Variants in LUZP2 observed in about 807,000 individuals in gnomAD.
LUZP2 encodes the protein leucine zipper protein 2.
In LUZP2, 52 loss-of-function variants were observed where a neutral mutation model predicts 51.6. That is an observed-to-expected ratio of 1.01 (90% CI 0.81 to 1.27). LUZP2 has a LOEUF of 1.27. Among genes scored for constraint, LUZP2 ranks in the 50% most tolerant of loss-of-function variants. The pLI is 0.00. For synonymous variants in LUZP2, 154 were observed against 137.3 expected (o/e 1.12, Z -0.85); for missense variants, 436 against 395.4 (o/e 1.10, Z -0.87).
intron 1 of LUZP2, among the ~76,000 whole-genome samples, chr11:24,530,903 A>G (rs947146633): frequency 1.4e-5 from 2 of 147,720 alleles, no homozygotes; most frequent in Non-Finnish European, 3.0e-5. Flanking sequence ...TCAATGTCTC[A>G]TCATTTTTCT....
chr11:25,013,586 C>CT (rs1249158274), intron 9 of LUZP2, among the ~76,000 whole-genome samples: 2 of 151,686 alleles, frequency 1.3e-5, no homozygotes. Flanking sequence ...TCTTTTTTCA[C>CT]TTTTAGCTAT....
chr11:25,021,253 T>C (rs949800503), intron 9 of LUZP2, among the ~76,000 whole-genome samples: 2 of 151,730 alleles, frequency 1.3e-5, no homozygotes, highest in Non-Finnish European at 2.9e-5. Context: ...GACTTATTAA[T>C]CCAGGTTATA....
intron 9 of LUZP2, among the ~76,000 whole-genome samples, chr11:25,022,148 G>T (rs1195543809): frequency 6.6e-6 from 1 of 151,906 alleles, no homozygotes; most frequent in African/African-American, 2.4e-5. Flanking sequence ...TTTGCTTGGG[G>T]GAAACTTGAC....
At chr11:24,695,487 T>C (rs1857216928) in intron 1 of LUZP2, among the ~76,000 whole-genome samples, 1 of 152,082 alleles carries the variant, frequency 6.6e-6, no homozygotes, top group Non-Finnish European at 1.5e-5. Flanking sequence ...GAATGATCTC[T>C]TCTAATTATT....
At chr11:25,076,698 C>G (rs561959462) in intron 10 of LUZP2, among the ~76,000 whole-genome samples, 24 of 148,932 alleles carry the variant, frequency 1.6e-4, no homozygotes, top group Non-Finnish European at 3.0e-4. Flanking sequence ...ATATTTTAAC[C>G]CTGGTTAAAA....
intron 1 of LUZP2, among the ~76,000 whole-genome samples, chr11:24,506,521 A>AT (rs1239201062): frequency 4.0e-5 from 6 of 151,896 alleles, no homozygotes; most frequent in African/African-American, 1.5e-4. Context: ...GTGAGGGGCA[A>AT]TTTTTTCTTT....
chr11:24,590,011 A>T (rs12225488), intron 1 of LUZP2, among the ~76,000 whole-genome samples: 65,940 of 151,918 alleles, frequency 0.43, 15,202 homozygotes, highest in Non-Finnish European at 0.51. Flanking sequence ...TTTTTTGTGT[A>T]ATGTACGTGC....
intron 1 of LUZP2, among the ~76,000 whole-genome samples, chr11:24,616,483 G>T (rs1854294913): frequency 6.6e-6 from 1 of 151,702 alleles, no homozygotes; most frequent in South Asian, 2.1e-4. Context: ...GCATGTGTGT[G>T]TGTGTGTGTG....
At chr11:24,741,031 C>A (rs2631427) in intron 4 of LUZP2, among the ~76,000 whole-genome samples, 1 of 151,748 alleles carries the variant, frequency 6.6e-6, no homozygotes, top group African/African-American at 2.4e-5. Context: ...GAATTATCAG[C>A]GATGACAGAA....
chr11:24,590,305 T>C (rs1853215271), intron 1 of LUZP2, among the ~76,000 whole-genome samples: 1 of 152,216 alleles, frequency 6.6e-6, no homozygotes, highest in African/African-American at 2.4e-5. Context: ...ATTGCAGTTG[T>C]ACATATTTAC....
At chr11:24,717,096 A>C (rs1858076155) in intron 1 of LUZP2, among the ~76,000 whole-genome samples, 1 of 151,486 alleles carries the variant, frequency 6.6e-6, no homozygotes, top group Non-Finnish European at 1.5e-5. Flanking sequence ...TAGTTCTAGG[A>C]GGAGATTTCA....
intron 7 of LUZP2, among the ~76,000 whole-genome samples, chr11:24,925,731 A>AT (rs904839888): frequency 6.6e-6 from 1 of 151,904 alleles, no homozygotes; most frequent in Non-Finnish European, 1.5e-5. Context: ...TATTTTAATT[A>AT]TTTTTTTAAT....
chr11:24,704,483 T>G (rs1008139947), intron 1 of LUZP2, among the ~76,000 whole-genome samples: 2 of 151,874 alleles, frequency 1.3e-5, no homozygotes, highest in Admixed American at 1.3e-4. Flanking sequence ...TAACATGCTT[T>G]GACATATTTT....
intron 7 of LUZP2, among the ~76,000 whole-genome samples, chr11:24,932,523 T>A (rs1315603991): frequency 6.6e-6 from 1 of 152,152 alleles, no homozygotes; most frequent in African/African-American, 2.4e-5. Context: ...AATTGAATTA[T>A]GTTCCCAGAA....
intron 1 of LUZP2, among the ~76,000 whole-genome samples, chr11:24,539,540 C>G (rs907618233): frequency 6.6e-6 from 1 of 151,932 alleles, no homozygotes; most frequent in Non-Finnish European, 1.5e-5. Context: ...TTTATAAATA[C>G]TCTCCTCCTC....
chr11:24,632,687 C>T (rs929783697), intron 1 of LUZP2, among the ~76,000 whole-genome samples: 2 of 151,998 alleles, frequency 1.3e-5, no homozygotes, highest in African/African-American at 4.8e-5. Context: ...CAAGTCCTCC[C>T]TAGCCTATGT....
intron 1 of LUZP2, among the ~76,000 whole-genome samples, chr11:24,723,911 G>A (rs1310562450): frequency 6.6e-6 from 1 of 152,022 alleles, no homozygotes; most frequent in African/African-American, 2.4e-5. Flanking sequence ...TTACAAACTT[G>A]ATATCATATT....
intron 1 of LUZP2, among the ~76,000 whole-genome samples, chr11:24,666,738 T>A (rs1856226305): frequency 6.6e-6 from 1 of 152,194 alleles, no homozygotes; most frequent in Non-Finnish European, 1.5e-5. Flanking sequence ...GAGTTCATTA[T>A]TAAAAGAAGT....
chr11:24,706,069 G>C (rs1393128055), intron 1 of LUZP2, among the ~76,000 whole-genome samples: 2 of 152,136 alleles, frequency 1.3e-5, no homozygotes, highest in African/African-American at 2.4e-5. Flanking sequence ...ACTGTGAGCT[G>C]TGCAGTGACT....
Sources: allele counts gnomAD v4.1 joint callset (sites outside exome capture counted in the v4.1 genomes callset), GRCh38; gene constraint gnomAD v4.1.1; transcripts MANE v1.5; gene names NCBI Gene and HGNC (gene_info 2026-07-23, HGNC 2026-07-21).